Variants in CX3CL1 observed in about 807,000 individuals in gnomAD.
The protein encoded by CX3CL1 is C-X3-C motif chemokine ligand 1, also known as fractalkine.
A neutral mutation model predicts 14.1 loss-of-function variants in CX3CL1; 1 was observed. The observed-to-expected ratio is 0.07, with a 90% CI of 0.03 to 0.34. The LOEUF (loss-of-function observed/expected upper bound fraction) is 0.34, where lower values mean the gene tolerates loss of function less well. Ranked by LOEUF, CX3CL1 falls within the 10% of genes least tolerant of loss-of-function variation. The pLI is 0.99. For missense variants in CX3CL1, 505 were observed against 536.4 expected, an observed-to-expected ratio of 0.94 and a Z score of 0.58; for synonymous variants, 255 against 229.6, an observed-to-expected ratio of 1.11 and a Z score of -1.00.
chr16:57,373,637 G>T (rs1902207723), intron 1 of CX3CL1, among the ~76,000 whole-genome samples: 1 of 152,174 alleles, frequency 6.6e-6, no homozygotes. Flanking sequence ...CAGGGAGCAG[G>T]TGTGTGGGTG....
At chr16:57,375,364 T>C (rs566057420) in intron 1 of CX3CL1, among the ~76,000 whole-genome samples, 6 of 152,250 alleles carry the variant, frequency 3.9e-5, no homozygotes, top group Admixed American at 2.0e-4. Context: ...GAGAAATTTT[T>C]TACTTGTTAC....
In CX3CL1 at chr16:57,384,137, C is replaced by T. The variant is rs1269302572; in HGVS notation, c.*1105C>T. The T allele has an allele frequency of 6.6e-6, 1 of 152,314 alleles. No homozygotes were observed. Among genetic ancestry groups the T allele is most frequent in the African/African-American group, 2.4e-5 (1 of 41,456 alleles). The allele number at this position is 152,314 out of a possible 1,614,324, so 9.4% of individuals were successfully genotyped here. Reference sequence around the variant, plus strand: ...CACATTCCTGATGCTTCTTCAGAGACTCCTGCAGGCAGCCAGGCCACAAGA... The same window carrying T: ...CACATTCCTGATGCTTCTTCAGAGATTCCTGCAGGCAGCCAGGCCACAAGA... On this transcript the variant is annotated 3_prime_UTR_variant, in exon 3 of 3. Transcript: ENST00000006053.
intron 1 of CX3CL1, 115 bp downstream of exon 1, chr16:57,372,753 T>A: frequency 2.1e-6 from 2 of 955,106 alleles, no homozygotes; most frequent in Non-Finnish European, 3.2e-6. Flanking sequence ...TCAAGGCCGG[T>A]GGCAGCCGCT....
rs866132530 is a variant in CX3CL1, at chr16:57,375,856, T to A, written c.70+3218T>A. ...TCTCTCCCTCATGTAAACCCCAATA[T>A]GTTTGTGGTATGTTCTGGAACACTG... On this transcript the variant is annotated intron_variant, in intron 1 of 2. Coordinates refer to ENST00000006053, the MANE Select transcript of CX3CL1 (RefSeq NM_002996.6). 5.3e-5 allele frequency among the ~76,000 whole-genome samples: 8 copies of A among 152,176 alleles called. No homozygotes were observed. The South Asian group carries it at 8.3e-4, about 16-fold the overall frequency.
chr16:57,382,387 G>C lies in CX3CL1; in HGVS notation c.549G>C (p.Thr183=), dbSNP rs772817365. The stretch of plus-strand genomic sequence containing the variant: ...CTCAGGATGGAGGGCCTGTGGGCAC[G>C]GAGCTTTTCCGAGTGCCTCCCGTCT... ...PKAQDGGPVG[T]ELFRVPPVST... The change falls in exon 3 of 3, where the codon ACG becomes ACC. Residue 183 remains threonine (T), a synonymous_variant. Transcript: ENST00000006053. The surrounding 1 kb of genome is among the most constrained non-coding windows in gnomAD (Gnocchi z 6.9). 3.7e-6 allele frequency: 6 copies of C among 1,611,610 alleles called. No homozygotes were observed. The highest frequency in any genetic ancestry group is 2.7e-5 in the African/African-American group (2 of 74,904).
intron 2 of CX3CL1, 136 bp from the exon 3 acceptor site, chr16:57,381,894 C>T: frequency 1.1e-6 from 1 of 934,740 alleles, no homozygotes; most frequent in South Asian, 2.1e-5. Context: ...AGTTGCCTCA[C>T]AGACGCTAAG....
At position 57,379,704 on chromosome 16, in the gene CX3CL1, G is replaced by C; in HGVS notation, c.141G>C (p.Leu47Phe). The change falls in exon 2 of 3, where the codon TTG becomes TTC. Residue 47 changes from leucine (L) to phenylalanine (F), a missense_variant. Transcript: ENST00000006053. ...SKMTSKIPVA[L>F]LIHYQQNQAS... The stretch of plus-strand genomic sequence containing the variant: ...TGACATCAAAGATACCTGTAGCTTT[G>C]CTCATCCACTATCAACAGAACCAGG... 6.2e-7 allele frequency: 1 copy of C among 1,614,212 alleles called. No homozygotes were observed. The highest frequency in any genetic ancestry group is 8.5e-7 in the Non-Finnish European group (1 of 1,180,024).
In CX3CL1 at chr16:57,382,378, T is replaced by C; in HGVS notation, c.540T>C (p.Pro180=). 1 of 1,611,582 alleles carries C rather than the reference T, an allele frequency of 6.2e-7. No individual in the cohort carries two copies. The highest frequency in any genetic ancestry group is 8.5e-7 in the Non-Finnish European group (1 of 1,179,960). The change falls in exon 3 of 3, where the codon CCT becomes CCC. Residue 180 remains proline, a synonymous_variant. Coordinates refer to ENST00000006053, the MANE Select transcript of CX3CL1 (RefSeq NM_002996.6). The surrounding 1 kb of genome is among the most constrained non-coding windows in gnomAD (Gnocchi z 6.9). ...PPTPKAQDGG[P]VGTELFRVPP... is the part of the protein sequence containing the mutation. ...CGCCAAAGGCTCAGGATGGAGGGCC[T>C]GTGGGCACGGAGCTTTTCCGAGTGC...
intron 2 of CX3CL1, among the ~76,000 whole-genome samples, chr16:57,380,895 G>A (rs1482779669): frequency 6.6e-6 from 1 of 152,214 alleles, no homozygotes; most frequent in African/African-American, 2.4e-5. Context: ...GCTAAAGGAA[G>A]TCTGGCACTT....
In CX3CL1 at chr16:57,384,323, C is replaced by T. The variant is rs1268023398; in HGVS notation, c.*1291C>T. 1.3e-5 allele frequency: 2 copies of T among 152,336 alleles called. No homozygotes were observed. Among genetic ancestry groups the T allele is most frequent in the South Asian group, 2.1e-4 (1 of 4,820 alleles). 9.4% of individuals were successfully genotyped at this position (152,336 alleles called of 1,614,324 possible). ...GACCAGGGATTTCCATGATGTTTTCCATGAGTCCCCTGTTTGTTTCTGAAA... is the reference window on the plus strand; with the variant it reads ...GACCAGGGATTTCCATGATGTTTTCTATGAGTCCCCTGTTTGTTTCTGAAA... On this transcript the variant is annotated 3_prime_UTR_variant, in exon 3 of 3. Transcript: ENST00000006053.
At position 57,376,910 on chromosome 16, in the gene CX3CL1, T is replaced by A. The variant is rs143902969; in HGVS notation, c.71-2724T>A. 4 of 152,270 alleles carry A rather than the reference T, an allele frequency of 2.6e-5. No homozygotes were observed. In the East Asian group the frequency reaches 7.7e-4, roughly 29 times the overall value. The allele number at this position is 152,270 out of a possible 1,614,324, so 9.4% of individuals were successfully genotyped here. ...TGACACTCCTATGACAGATAATATA[T>A]GACTGGCTGGATGAGGCATTGTCTC... On this transcript the variant is annotated intron_variant, in intron 1 of 2. Coordinates refer to ENST00000006053, the MANE Select transcript of CX3CL1 (RefSeq NM_002996.6).
chr16:57,372,804 C>T (rs1431568245), intron 1 of CX3CL1, among the ~76,000 whole-genome samples, 166 bp downstream of exon 1: 1 of 152,156 alleles, frequency 6.6e-6, no homozygotes, highest in African/African-American at 2.4e-5. Flanking sequence ...ACCTCGCTTC[C>T]CCCAGATGCA....
At chr16:57,380,113 G>A (rs146199205) in intron 2 of CX3CL1, among the ~76,000 whole-genome samples, 329 of 152,308 alleles carry the variant, frequency 2.2e-3, no homozygotes, top group African/African-American at 7.7e-3. Context: ...TAAAGCATGA[G>A]GGTCTTACTT....
In CX3CL1 at chr16:57,382,278, C is replaced by A. The variant is rs1902334100; in HGVS notation, c.440C>A (p.Ala147Glu). Residue 147 changes from alanine to glutamate, a missense_variant, in exon 3 of 3, where the codon GCA becomes GAA. Coordinates refer to ENST00000006053, the MANE Select transcript of CX3CL1 (RefSeq NM_002996.6). The surrounding 1 kb of genome is among the most constrained non-coding windows in gnomAD (Gnocchi z 6.9). ...GAGCCGACTCCTTCTTCCCAGGAAGCACAGAGGGCCCTGGGGACCTCCCCA... is the reference window on the plus strand; with the variant it reads ...GAGCCGACTCCTTCTTCCCAGGAAGAACAGAGGGCCCTGGGGACCTCCCCA... ...SLEPTPSSQE[A>E]QRALGTSPEL... is the part of the protein sequence containing the mutation. 6.2e-7 allele frequency: 1 copy of A among 1,607,852 alleles called. No individual in the cohort carries two copies.
chr16:57,373,539 C>A (rs1388242581), intron 1 of CX3CL1, among the ~76,000 whole-genome samples: 1 of 152,192 alleles, frequency 6.6e-6, no homozygotes, highest in Non-Finnish European at 1.5e-5. Flanking sequence ...GGGTGACCTT[C>A]AGAGAAGGTG....
chr16:57,383,398 C>T lies in CX3CL1; in HGVS notation c.*366C>T. 5.6e-6 allele frequency: 1 copy of T among 178,372 alleles called. No homozygotes were observed. Among genetic ancestry groups the T allele is most frequent in the Non-Finnish European group, 1.2e-5 (1 of 85,442 alleles). The allele number at this position is 178,372 out of a possible 1,614,324, so 11.0% of individuals were successfully genotyped here. The stretch of plus-strand genomic sequence containing the variant: ...TGAGTACTACAGTCCTCCCATCTCA[C>T]ACATGAGCATCAGGCCAGGCCCTCT... On this transcript the variant is annotated 3_prime_UTR_variant, in exon 3 of 3. Coordinates refer to ENST00000006053, the MANE Select transcript of CX3CL1 (RefSeq NM_002996.6).
In CX3CL1 at chr16:57,383,098, C is replaced by T. The variant is rs1268371259; in HGVS notation, c.*66C>T. The T allele has an allele frequency of 8.3e-6, 11 of 1,321,580 alleles. No individual in the cohort carries two copies. The highest frequency in any genetic ancestry group is 9.8e-6 in the Non-Finnish European group (10 of 1,019,186). 81.9% of individuals were successfully genotyped at this position (1,321,580 alleles called of 1,614,324 possible). The stretch of plus-strand genomic sequence containing the variant: ...GCCTGGGATCCCTCATCCTCATACC[C>T]ACCCCCACCCAAGGGCCTGGCCTGA... On this transcript the variant is annotated 3_prime_UTR_variant, in exon 3 of 3. Transcript: ENST00000006053.
chr16:57,374,369 T>A (rs1251712948), intron 1 of CX3CL1, among the ~76,000 whole-genome samples: 1 of 151,826 alleles, frequency 6.6e-6, no homozygotes, highest in African/African-American at 2.4e-5. Flanking sequence ...ATAACAAACC[T>A]GCAGCTACGA....
chr16:57,379,610 G>C, intron 1 of CX3CL1, 24 bp from the exon 2 acceptor site: 1 of 1,614,068 alleles, frequency 6.2e-7, no homozygotes, highest in Non-Finnish European at 8.5e-7. Flanking sequence ...CATCCCTGCT[G>C]ACCAGGAACC....
Sources: gnomAD v4.1 joint callset for allele counts (sites outside exome capture counted in the v4.1 genomes callset) on GRCh38, gnomAD v4.1.1 for gene constraint, Gnocchi (gnomAD v3.1) non-coding constraint, MANE v1.5 for transcripts, NCBI Gene and HGNC (gene_info 2026-07-23, HGNC 2026-07-21) for gene names.